GNB5: variants seen among roughly 807,000 people sequenced by gnomAD.
The protein encoded by GNB5 is G protein subunit beta 5, also known as guanine nucleotide-binding protein subunit beta-5.
In GNB5, 37 loss-of-function variants were observed where a neutral mutation model predicts 55.3. The ratio of observed to expected loss-of-function variants is 0.67; its 90% CI spans 0.51 to 0.88. The LOEUF (loss-of-function observed/expected upper bound fraction) is 0.88, where lower values mean the gene tolerates loss of function less well. Ranked by LOEUF, GNB5 falls within the 40% of genes least tolerant of loss-of-function variation. GNB5 has a pLI of 0.00. For missense variants in GNB5, 476 were observed against 515.3 expected, an observed-to-expected ratio of 0.92 and a Z score of 0.74; for synonymous variants, 219 against 198.5, an observed-to-expected ratio of 1.10 and a Z score of -0.87.
At chr15:52,164,180 C>T (rs1046812811) in intron 3 of GNB5, among the ~76,000 whole-genome samples, 2 of 151,598 alleles carry the variant, frequency 1.3e-5, no homozygotes, top group South Asian at 2.1e-4. Context: ...TGATGGCGGG[C>T]GCCTGTAATC....
chr15:52,165,087 C>T (rs2034424309), intron 3 of GNB5, among the ~76,000 whole-genome samples: 1 of 152,088 alleles, frequency 6.6e-6, no homozygotes, highest in African/African-American at 2.4e-5. Flanking sequence ...AACAGCTGAA[C>T]AGACCAAGCA....
At position 52,135,600 on chromosome 15, in the gene GNB5, A is replaced by G. The variant is rs1281189824; in HGVS notation, c.771+13T>C. 1.2e-6 allele frequency: 2 copies of G among 1,612,408 alleles called. No individual in the cohort carries two copies. The highest frequency in any genetic ancestry group is 1.7e-6 in the Non-Finnish European group (2 of 1,178,742). On this transcript the variant is annotated intron_variant, in intron 8 of 12. Transcript: ENST00000261837. ...GACACAGGAGCCCTAGGGAATTTCC[A>G]CTGGGTCTTTACCCCAGACACGAAG...
intron 3 of GNB5, among the ~76,000 whole-genome samples, chr15:52,169,420 C>T (rs911820539): frequency 1.3e-5 from 2 of 150,960 alleles, no homozygotes; most frequent in African/African-American, 4.9e-5. Context: ...CACCTGTAAT[C>T]CCAGCTATTC....
intron 1 of GNB5, among the ~76,000 whole-genome samples, chr15:52,185,278 G>A (rs2034828110): frequency 6.6e-6 from 1 of 152,256 alleles, no homozygotes; most frequent in African/African-American, 2.4e-5. Context: ...GCATCTAGTG[G>A]TTACAGGGAC....
In GNB5 at chr15:52,149,914, C is replaced by T; in HGVS notation, c.387G>A (p.Val129=). The T allele has an allele frequency of 6.2e-7, 1 of 1,611,870 alleles. No individual in the cohort carries two copies. Among genetic ancestry groups the T allele is most frequent in the Non-Finnish European group, 8.5e-7 (1 of 1,177,948 alleles). The change falls in exon 5 of 13, where the codon GTG becomes GTA. Residue 129 remains valine (V), a synonymous_variant. Transcript: ENST00000261837. ...TTGTGGTGAAGGAATCCCACACGAT[C>T]ACCTTCCCATCCTGGAGGGAGAAGA... ...RIVSSSQDGK[V]IVWDSFTTNK...
At chr15:52,139,982 C>A in intron 7 of GNB5, 1 of 1,257,840 alleles carries the variant, frequency 8.0e-7, no homozygotes. Flanking sequence ...GGCCCAAAGA[C>A]ATCTCATTTT....
At position 52,164,606 on chromosome 15, in the gene GNB5, C is replaced by A. The variant is rs183569051; in HGVS notation, c.239-10530G>T. On this transcript the variant is annotated intron_variant, in intron 3 of 12. Coordinates refer to ENST00000261837, the MANE Select transcript of GNB5 (RefSeq NM_016194.4). The stretch of plus-strand genomic sequence containing the variant: ...GCACGACACTGCACTCCAGCCTGGG[C>A]GACAGAGCCAGACTCCATCTCAAAA... 1.4e-3 allele frequency among the ~76,000 whole-genome samples: 205 copies of A among 151,732 alleles called. 1 individual carries two copies. Among genetic ancestry groups the A allele is most frequent in the South Asian group, 6.1e-3 (29 of 4,780 alleles).
intron 6 of GNB5, among the ~76,000 whole-genome samples, chr15:52,145,829 G>A (rs563531180): frequency 6.6e-6 from 1 of 152,156 alleles, no homozygotes; most frequent in South Asian, 2.1e-4. Flanking sequence ...GGGGACTCGG[G>A]CTTTTCCTCT....
At chr15:52,166,605 T>C (rs758491077) in intron 3 of GNB5, among the ~76,000 whole-genome samples, 1 of 152,144 alleles carries the variant, frequency 6.6e-6, no homozygotes, top group African/African-American at 2.4e-5. Context: ...AATGAAATTA[T>C]GGTAGAAATC....
intron 6 of GNB5, among the ~76,000 whole-genome samples, chr15:52,143,683 TTACC>T (rs1204342014): frequency 6.6e-6 from 1 of 152,246 alleles, no homozygotes; most frequent in African/African-American, 2.4e-5. Flanking sequence ...ATCCCCATTA[TTACC>T]TACAATGACT....
intron 5 of GNB5, among the ~76,000 whole-genome samples, chr15:52,148,416 T>G (rs998877751): frequency 1.3e-5 from 2 of 152,232 alleles, no homozygotes; most frequent in African/African-American, 4.8e-5. Flanking sequence ...CAACAGTCCC[T>G]GGCTTCTGGC....
At chr15:52,161,578 G>A (rs538143795) in intron 3 of GNB5, among the ~76,000 whole-genome samples, 2 of 152,348 alleles carry the variant, frequency 1.3e-5, no homozygotes, top group Non-Finnish European at 1.5e-5. Context: ...TGGGATTACA[G>A]GTGTGAGCCA....
intron 6 of GNB5, among the ~76,000 whole-genome samples, chr15:52,141,992 T>C (rs1267405769): frequency 1.3e-5 from 2 of 152,260 alleles, no homozygotes; most frequent in African/African-American, 2.4e-5. Context: ...TTGTTGTTCA[T>C]GACAGGAAAT....
At position 52,115,723 on chromosome 15, in the gene GNB5, C is replaced by CA. The variant is rs374573283; in HGVS notation, c.*7033dup. The stretch of plus-strand genomic sequence containing the variant: ...CTTTATTGAGATGTAATTCATATAC[C>CA]AAAAAATTCACCCTCTTACAGTCCA... On this transcript the variant is annotated 3_prime_UTR_variant, in exon 13 of 13. Coordinates refer to ENST00000261837, the MANE Select transcript of GNB5 (RefSeq NM_016194.4). The CA allele has an allele frequency of 6.6e-6, 1 of 152,048 alleles. No individual in the cohort carries two copies. The highest frequency in any genetic ancestry group is 2.4e-5 in the African/African-American group (1 of 41,392). 9.4% of individuals were successfully genotyped at this position (152,048 alleles called of 1,614,324 possible). A position where few individuals can be genotyped will look rare whatever the true frequency, so the allele number is the denominator to read the frequency against.
At chr15:52,159,094 T>C (rs988480621) in intron 3 of GNB5, among the ~76,000 whole-genome samples, 1 of 152,118 alleles carries the variant, frequency 6.6e-6, no homozygotes. Context: ...CCAACAATAA[T>C]ACTGATGTAA....
intron 9 of GNB5, chr15:52,128,599 A>G (rs756424251): frequency 2.1e-5 from 11 of 527,208 alleles, no homozygotes; most frequent in Non-Finnish European, 4.0e-5. Context: ...ACACTGAATC[A>G]GACGCACAAA....
intron 6 of GNB5, among the ~76,000 whole-genome samples, chr15:52,146,567 C>G (rs924924022): frequency 6.6e-6 from 1 of 151,544 alleles, no homozygotes; most frequent in African/African-American, 2.4e-5. Context: ...CTTTCCTTTT[C>G]TGCTTTATTT....
intron 7 of GNB5, among the ~76,000 whole-genome samples, chr15:52,140,413 G>A (rs1003524574): frequency 1.3e-5 from 2 of 152,126 alleles, no homozygotes; most frequent in African/African-American, 4.8e-5. Flanking sequence ...GAGTGGCAGC[G>A]GTCCCTCTTC....
At position 52,117,114 on chromosome 15, in the gene GNB5, T is replaced by TTTTTTTTTTTTTTTTTTTTTGG. The variant is rs1341100858; in HGVS notation, c.*5642_*5643insCCAAAAAAAAAAAAAAAAAAAA. 2.3e-5 allele frequency: 2 copies of TTTTTTTTTTTTTTTTTTTTTGG among 85,598 alleles called. No individual in the cohort carries two copies. Among genetic ancestry groups the TTTTTTTTTTTTTTTTTTTTTGG allele is most frequent in the East Asian group, 8.1e-4 (2 of 2,456 alleles). 5.3% of individuals were successfully genotyped at this position (85,598 alleles called of 1,614,324 possible). ...AATATATATATATATTTTTTTTTAG[T>TTTTTTTTTTTTTTTTTTTTTGG]ACAGACAGGGTTTCACCGTGTTAGC... On this transcript the variant is annotated 3_prime_UTR_variant, in exon 13 of 13. Coordinates refer to ENST00000261837, the MANE Select transcript of GNB5 (RefSeq NM_016194.4).
Sources: gnomAD v4.1 joint callset for allele counts (sites outside exome capture counted in the v4.1 genomes callset) on GRCh38, gnomAD v4.1.1 for gene constraint, MANE v1.5 for transcripts, NCBI Gene and HGNC (gene_info 2026-07-23, HGNC 2026-07-21) for gene names.